CAST: variants seen among roughly 807,000 people sequenced by gnomAD.
CAST encodes the protein calpastatin.
Under a neutral mutation model 119.6 loss-of-function variants are expected in CAST, and 76 were observed. That is an observed-to-expected ratio of 0.64 (90% CI 0.53 to 0.77). CAST has a LOEUF of 0.77. Ranked by LOEUF, CAST falls within the 30% of genes least tolerant of loss-of-function variation. The probability of loss-of-function intolerance (pLI) is 0.00; values close to 1 mark genes in which losing one functional copy is unlikely to be tolerated. For missense variants in CAST, 953 were observed against 946.5 expected, an observed-to-expected ratio of 1.01 and a Z score of -0.09; for synonymous variants, 319 against 331.6, an observed-to-expected ratio of 0.96 and a Z score of 0.41.
At chr5:96,599,975 A>AAAAAAAAAAAAG (rs762798506) in intron 1 of CAST, among the ~76,000 whole-genome samples, 5 of 140,508 alleles carry the variant, frequency 3.6e-5, no homozygotes, top group Non-Finnish European at 4.7e-5. Flanking sequence ...GCAAAAAAAA[A>AAAAAAAAAAAAG]AAAAAAAACC....
chr5:96,503,995 C>T, the CAST span, among the ~76,000 whole-genome samples: 2 of 152,198 alleles, frequency 1.3e-5, no homozygotes, highest in Non-Finnish European at 2.9e-5. Flanking sequence ...AAGTGACTCT[C>T]CAGGCTGCAG....
At chr5:96,386,240 A>G in the CAST span, among the ~76,000 whole-genome samples, 1 of 152,322 alleles carries the variant, frequency 6.6e-6, no homozygotes, top group Middle Eastern at 3.4e-3. Context: ...ATCCTTACCA[A>G]TTGGATGTGA....
the CAST span, among the ~76,000 whole-genome samples, chr5:96,468,302 T>A: frequency 1.3e-5 from 2 of 151,948 alleles, no homozygotes; most frequent in Non-Finnish European, 2.9e-5. Flanking sequence ...GGGTGACAGG[T>A]GCGCTAAAAT....
chr5:96,271,755 A>G, the CAST span, among the ~76,000 whole-genome samples: 2 of 152,176 alleles, frequency 1.3e-5, no homozygotes, highest in African/African-American at 4.8e-5. Flanking sequence ...AAAAAGAGAC[A>G]AATGGAGTTA....
At chr5:96,322,705 C>A in the CAST span, among the ~76,000 whole-genome samples, 2 of 152,116 alleles carry the variant, frequency 1.3e-5, no homozygotes, top group Non-Finnish European at 2.9e-5. Flanking sequence ...CCATTGTTTG[C>A]TTTTTTGTTT....
chr5:96,121,496 A>G, the CAST span, among the ~76,000 whole-genome samples: 2 of 151,660 alleles, frequency 1.3e-5, no homozygotes, highest in African/African-American at 4.8e-5. Flanking sequence ...AAAAAAAAAA[A>G]GCAACCTGAT....
At chr5:95,974,698 T>C in the CAST span, among the ~76,000 whole-genome samples, 5 of 152,216 alleles carry the variant, frequency 3.3e-5, no homozygotes, top group Admixed American at 1.3e-4. Flanking sequence ...GCCAGTTTCA[T>C]CCTTTGCTTT....
chr5:96,701,970 T>A (rs923423368), intron 3 of CAST, among the ~76,000 whole-genome samples: 1 of 152,196 alleles, frequency 6.6e-6, no homozygotes, highest in African/African-American at 2.4e-5. Context: ...GGGCCCTAAC[T>A]GCCTTGGCTG....
At chr5:96,130,697 A>G in the CAST span, among the ~76,000 whole-genome samples, 1 of 152,068 alleles carries the variant, frequency 6.6e-6, no homozygotes, top group Non-Finnish European at 1.5e-5. Context: ...TCGAAAAGAG[A>G]AAAACAACTC....
At chr5:96,048,270 G>C in the CAST span, among the ~76,000 whole-genome samples, 9 of 152,282 alleles carry the variant, frequency 5.9e-5, 1 homozygote, top group Middle Eastern at 3.4e-3. Flanking sequence ...GAATGGCTGA[G>C]AAAAGGCCAG....
chr5:96,497,087 A>G, the CAST span, among the ~76,000 whole-genome samples: 20 of 133,158 alleles, frequency 1.5e-4, no homozygotes, highest in Non-Finnish European at 2.6e-4. Context: ...TTCAATTCCC[A>G]CCTATGAGTG....
chr5:96,367,769 TC>T, the CAST span, among the ~76,000 whole-genome samples: 2 of 151,968 alleles, frequency 1.3e-5, no homozygotes, highest in Admixed American at 1.3e-4. Context: ...CCCTTGTGCT[TC>T]CCGGGTGAGG....
intron 1 of CAST, among the ~76,000 whole-genome samples, chr5:96,593,796 G>A (rs540160200): frequency 6.6e-6 from 1 of 152,164 alleles, no homozygotes; most frequent in Non-Finnish European, 1.5e-5. Flanking sequence ...ATAGCCATTT[G>A]CCACCCAGGA....
chr5:96,390,467 A>G, the CAST span: 7 of 152,386 alleles, frequency 4.6e-5, no homozygotes, highest in African/African-American at 1.4e-4. Context: ...AAGAATACCA[A>G]GACCACACAT....
the CAST span, among the ~76,000 whole-genome samples, chr5:96,113,967 C>T: frequency 6.6e-6 from 1 of 152,042 alleles, no homozygotes; most frequent in Admixed American, 6.5e-5. Context: ...ATCATCAGTC[C>T]CTCTATTTTT....
chr5:96,215,773 T>C, the CAST span, among the ~76,000 whole-genome samples: 1 of 152,204 alleles, frequency 6.6e-6, no homozygotes, highest in South Asian at 2.1e-4. Context: ...TTTCACCTAA[T>C]AAATAATAAA....
At chr5:96,554,397 A>G (rs1456928325) in intron 1 of CAST, among the ~76,000 whole-genome samples, 2 of 152,190 alleles carry the variant, frequency 1.3e-5, no homozygotes, top group African/African-American at 4.8e-5. Flanking sequence ...CTGACACAAA[A>G]ATCAACTCAA....
chr5:96,421,751 G>A, the CAST span: 1 of 713,814 alleles, frequency 1.4e-6, no homozygotes, highest in South Asian at 1.6e-5. Flanking sequence ...ACAAAATATT[G>A]TGGTATGGAT....
the CAST span, among the ~76,000 whole-genome samples, chr5:96,042,349 C>A: frequency 1.3e-5 from 2 of 152,164 alleles, no homozygotes; most frequent in African/African-American, 4.8e-5. Context: ...GGAAAAAGTT[C>A]CCAAATGATA....
Sources: allele counts gnomAD v4.1 joint callset (sites outside exome capture counted in the v4.1 genomes callset), GRCh38; gene constraint gnomAD v4.1.1; transcripts MANE v1.5; gene names NCBI Gene and HGNC (gene_info 2026-07-23, HGNC 2026-07-21).